Variants in VRK3 observed in about 807,000 individuals in gnomAD.
VRK3 encodes the protein VRK serine/threonine kinase 3.
In VRK3, 50 loss-of-function variants were observed where a neutral mutation model predicts 60.4. The ratio of observed to expected loss-of-function variants is 0.83; its 90% CI spans 0.66 to 1.05. The LOEUF (loss-of-function observed/expected upper bound fraction) is 1.05. VRK3 is among the 50% of genes least tolerant of loss of function. VRK3 has a pLI of 0.00. For synonymous variants in VRK3, 246 were observed against 227.8 expected (o/e 1.08, Z -0.72); for missense variants, 549 against 585.3 (o/e 0.94, Z 0.64).
intron 13 of VRK3, among the ~76,000 whole-genome samples, chr19:49,980,028 C>T (rs373688970): frequency 2.6e-5 from 4 of 151,682 alleles, no homozygotes; most frequent in East Asian, 1.9e-4. Context: ...CCAGCCTGGG[C>T]GACAGAGCAA....
At chr19:50,003,954 A>G (rs1568799743) in intron 5 of VRK3, among the ~76,000 whole-genome samples, 1 of 152,166 alleles carries the variant, frequency 6.6e-6, no homozygotes. Flanking sequence ...TAATCCCAAC[A>G]CTTTGGGAGG....
At chr19:49,984,294 A>C (rs901804853) in intron 12 of VRK3, among the ~76,000 whole-genome samples, 6 of 152,140 alleles carry the variant, frequency 3.9e-5, no homozygotes, top group Non-Finnish European at 8.8e-5. Context: ...CTGAATGCGT[A>C]AGTGGAGAGG....
intron 12 of VRK3, among the ~76,000 whole-genome samples, chr19:49,983,713 T>C (rs1418561120): frequency 6.6e-6 from 1 of 152,234 alleles, no homozygotes; most frequent in African/African-American, 2.4e-5. Context: ...GTGCAAAAAA[T>C]GAGTATCTGT....
intron 7 of VRK3, among the ~76,000 whole-genome samples, chr19:49,995,962 A>T (rs937299637): frequency 6.7e-6 from 1 of 150,268 alleles, no homozygotes; most frequent in Non-Finnish European, 1.5e-5. Flanking sequence ...TTCGTCTGTC[A>T]CCAGGCTGGA....
At chr19:50,019,956 G>A (rs2077144665) in intron 2 of VRK3, among the ~76,000 whole-genome samples, 2 of 151,864 alleles carry the variant, frequency 1.3e-5, no homozygotes, top group African/African-American at 4.8e-5. Flanking sequence ...TTGGCTCACT[G>A]CAACCTCCGT....
chr19:50,011,209 C>G (rs1006782276), intron 3 of VRK3, among the ~76,000 whole-genome samples: 8 of 152,200 alleles, frequency 5.3e-5, no homozygotes, highest in African/African-American at 1.9e-4. Flanking sequence ...GTAACACTTG[C>G]TTAGCCCTGT....
At chr19:50,000,685 GC>G in intron 6 of VRK3, 104 bp downstream of exon 6, 7 of 1,363,638 alleles carry the variant, frequency 5.1e-6, no homozygotes, top group South Asian at 1.3e-5. Context: ...GGGGACCCTG[GC>G]CCCCGGCCGA....
chr19:50,002,067 G>A (rs998354962), intron 5 of VRK3, among the ~76,000 whole-genome samples: 1 of 152,138 alleles, frequency 6.6e-6, no homozygotes, highest in South Asian at 2.1e-4. Flanking sequence ...CCGGGGAGTG[G>A]CAGAGCTGGC....
intron 6 of VRK3, 168 bp downstream of exon 6, chr19:50,000,622 T>A (rs2076787255): frequency 1.4e-6 from 1 of 723,270 alleles, no homozygotes; most frequent in Non-Finnish European, 2.3e-6. Flanking sequence ...CACCCTGGGA[T>A]GATGGAGAAC....
chr19:50,015,790 C>T (rs779612130), intron 3 of VRK3: 1 of 562,440 alleles, frequency 1.8e-6, no homozygotes, highest in East Asian at 2.8e-5. Flanking sequence ...GGAGTCCAGG[C>T]TGGCTGGAGA....
At chr19:50,014,536 C>CTGTAATCCCAGCT (rs1299600641) in intron 3 of VRK3, among the ~76,000 whole-genome samples, 1 of 152,152 alleles carries the variant, frequency 6.6e-6, no homozygotes, top group Non-Finnish European at 1.5e-5. Context: ...AAGATTGCGC[C>CTGTAATCCCAGCT]ACTGCACCCC....
intron 3 of VRK3, among the ~76,000 whole-genome samples, chr19:50,012,664 C>T (rs1182269909): frequency 6.6e-6 from 1 of 152,024 alleles, no homozygotes; most frequent in Admixed American, 6.6e-5. Context: ...TTTGGGAGGC[C>T]AGGAGTTTAA....
At chr19:50,019,550 C>T (rs2122655393) in intron 2 of VRK3, among the ~76,000 whole-genome samples, 1 of 152,128 alleles carries the variant, frequency 6.6e-6, no homozygotes, top group South Asian at 2.1e-4. Flanking sequence ...CACCCTGTCA[C>T]TCAGGCTGGA....
intron 12 of VRK3, chr19:49,981,605 C>T: frequency 1.5e-6 from 1 of 686,182 alleles, no homozygotes; most frequent in Non-Finnish European, 1.8e-6. Flanking sequence ...TGAAATACAT[C>T]TTATGTAATA....
chr19:49,993,004 G>C (rs1446471862), intron 9 of VRK3, 52 bp from the exon 10 acceptor site: 1 of 1,522,930 alleles, frequency 6.6e-7, no homozygotes, highest in Non-Finnish European at 8.9e-7. Context: ...CTAACACAGA[G>C]AGGCTATGGT....
chr19:49,995,392 G>GTCACCTCCAAC, intron 7 of VRK3, 117 bp from the exon 8 acceptor site: 1 of 862,662 alleles, frequency 1.2e-6, no homozygotes, highest in South Asian at 1.6e-5. Context: ...TCTCCTTGTT[G>GTCACCTCCAAC]GAGGTGACAA....
chr19:50,009,017 G>A (rs73935141), intron 4 of VRK3, among the ~76,000 whole-genome samples: 7,930 of 152,248 alleles, frequency 0.052, 681 homozygotes, highest in African/African-American at 0.18. Context: ...TGTGTGCAGG[G>A]AGGGGCCGGG....
At chr19:50,019,113 C>G (rs1029764474) in intron 2 of VRK3, 2 of 140,766 alleles carry the variant, frequency 1.4e-5, no homozygotes, top group East Asian at 4.2e-4. Flanking sequence ...TGCAGTGAGC[C>G]GAGATAGCAC....
chr19:50,018,468 G>C (rs556839301), intron 2 of VRK3, among the ~76,000 whole-genome samples: 1 of 152,322 alleles, frequency 6.6e-6, no homozygotes, highest in South Asian at 2.1e-4. Flanking sequence ...TCAGCCACAT[G>C]AGGAGAGAAG....
Sources: allele counts gnomAD v4.1 joint callset (sites outside exome capture counted in the v4.1 genomes callset), GRCh38; gene constraint gnomAD v4.1.1; transcripts MANE v1.5; gene names NCBI Gene and HGNC (gene_info 2026-07-23, HGNC 2026-07-21).